The following ZNF350 variants were observed in gnomAD, a reference collection of about 807,000 sequenced individuals.
ZNF350 encodes zinc finger protein 350.
A neutral mutation model predicts 13.1 loss-of-function variants in ZNF350; 5 were observed. The ratio of observed to expected loss-of-function variants is 0.38; its 90% CI spans 0.20 to 0.80. The LOEUF (loss-of-function observed/expected upper bound fraction) is 0.80. ZNF350 is among the 30% of genes least tolerant of loss of function. The pLI, the probability that ZNF350 is intolerant of heterozygous loss-of-function variation, is 0.43. For synonymous variants in ZNF350, 199 were observed against 224.2 expected (o/e 0.89, Z 1.00); for missense variants, 534 against 644.2 (o/e 0.83, Z 1.85).
chr19:51,965,854 C>CGT lies in ZNF350; in HGVS notation c.597_598dup (p.Arg200HisfsTer4). On this transcript the variant is annotated frameshift_variant, in exon 5 of 5. Coordinates refer to ENST00000243644, the MANE Select transcript of ZNF350 (RefSeq NM_021632.4). LOFTEE classifies it low-confidence loss of function (END_TRUNC). ...GCACACATGATGCTTCTCTAATTTT[C>CGT]GTGTTTTCTGATGCTTGGGACTGAT... 1 of 1,614,116 alleles carries CGT rather than the reference C, an allele frequency of 6.2e-7. No individual in the cohort carries two copies. The highest frequency in any genetic ancestry group is 8.5e-7 in the Non-Finnish European group (1 of 1,180,034).
At position 51,965,971 on chromosome 19, in the gene ZNF350, C is replaced by T; in HGVS notation, c.482G>A (p.Gly161Glu). Residue 161 changes from glycine (G) to glutamate (E), a missense_variant, in exon 5 of 5, where the codon GGG (glycine) becomes GAG (glutamate). Transcript: ENST00000243644. ...ATGGTTAGCATGAAGAAAGGAGTCCCCATTTCCAGTAAACTCAACAGAGTT... is the reference window on the plus strand; with the variant it reads ...ATGGTTAGCATGAAGAAAGGAGTCCTCATTTCCAGTAAACTCAACAGAGTT... The part of the protein sequence containing the change: ...IKNSVEFTGN[G>E]DSFLHANHER... The T allele has an allele frequency of 6.2e-7, 1 of 1,614,040 alleles. No homozygotes were observed. The highest frequency in any genetic ancestry group is 1.3e-5 in the African/African-American group (1 of 75,008).
chr19:51,972,740 G>A (rs1445154819), intron 2 of ZNF350, among the ~76,000 whole-genome samples: 1 of 152,014 alleles, frequency 6.6e-6, no homozygotes, highest in Non-Finnish European at 1.5e-5. Flanking sequence ...CAGATACAGT[G>A]ACAGGAAGTA....
At chr19:51,975,926 C>T (rs537730093) in intron 1 of ZNF350, among the ~76,000 whole-genome samples, 13 of 152,330 alleles carry the variant, frequency 8.5e-5, no homozygotes, top group African/African-American at 2.9e-4. Flanking sequence ...CTCAGCATTC[C>T]ACTGGAGGCT....
In ZNF350 at chr19:51,978,184, C is replaced by T. The variant is rs562561536; in HGVS notation, c.-171-3653G>A. ...AGGGCATTCCCAATGCAGACCACAACCCCACTTCAGGGATGGGTTCCTGGA... is the reference window on the plus strand; with the variant it reads ...AGGGCATTCCCAATGCAGACCACAATCCCACTTCAGGGATGGGTTCCTGGA... On this transcript the variant is annotated intron_variant, in intron 1 of 4. Coordinates refer to ENST00000243644, the MANE Select transcript of ZNF350 (RefSeq NM_021632.4). Among the ~76,000 whole-genome samples, 24 of 152,298 alleles carry T rather than the reference C, an allele frequency of 1.6e-4. 1 individual carries two copies. The highest frequency in any genetic ancestry group is 1.2e-3 in the East Asian group (6 of 5,168).
rs114354583 is a variant in ZNF350 at position 51,977,686 on chromosome 19, G to A, written c.-171-3155C>T. 3.1e-3 allele frequency among the ~76,000 whole-genome samples: 466 copies of A among 152,328 alleles called. 2 individuals carry two copies. The highest frequency in any genetic ancestry group is 0.01 in the African/African-American group (433 of 41,578). ...GCAAGATTACATGAGGCACTGAAGC[G>A]TCAGATTCCTCATACTGTGGCTGCA... On this transcript the variant is annotated intron_variant, in intron 1 of 4. Coordinates refer to ENST00000243644, the MANE Select transcript of ZNF350 (RefSeq NM_021632.4).
At chr19:51,977,971 G>A (rs958401444) in intron 1 of ZNF350, among the ~76,000 whole-genome samples, 3 of 152,180 alleles carry the variant, frequency 2.0e-5, no homozygotes, top group Non-Finnish European at 2.9e-5. Context: ...AAAAAGGAAT[G>A]CCGCCAGATC....
At position 51,974,406 on chromosome 19, in the gene ZNF350, T is replaced by A. The variant is rs780782721; in HGVS notation, c.-46A>T. ...CAGCATTCAACTGGGATGGTCTGTC[T>A]TTGTATCTTCTGGCCTTCTCTTCAG... On this transcript the variant is annotated 5_prime_UTR_variant, in exon 2 of 5. It adds an upstream start codon to the 5' untranslated region. Transcript: ENST00000243644. 2 of 1,611,258 alleles carry A rather than the reference T, an allele frequency of 1.2e-6. No individual in the cohort carries two copies. The highest frequency in any genetic ancestry group is 2.2e-5 in the South Asian group (2 of 90,808).
rs112256728 is a variant in ZNF350 at position 51,975,839 on chromosome 19, T to C, written c.-171-1308A>G. On this transcript the variant is annotated intron_variant, in intron 1 of 4. Coordinates refer to ENST00000243644, the MANE Select transcript of ZNF350 (RefSeq NM_021632.4). ...TCCCGGGTTCAAGCAATTCTCTGCC[T>C]TAGCCTCCCGAGTAGCTGAGTTTAC... Among the ~76,000 whole-genome samples the C allele has an allele frequency of 3.9e-3, 595 of 152,344 alleles. 4 individuals are homozygous for C. The highest frequency in any genetic ancestry group is 0.014 in the Middle Eastern group (4 of 294).
chr19:51,969,056 C>T lies in ZNF350; in HGVS notation c.91G>A (p.Asp31Asn), dbSNP rs745855434. 1 of 1,614,112 alleles carries T rather than the reference C, an allele frequency of 6.2e-7. No homozygotes were observed. The part of the protein sequence containing the change: ...EWQLLGAAQK[D>N]LYRDVMLENY... The stretch of plus-strand genomic sequence containing the variant: ...TCCAACATCACATCCCGGTACAGGT[C>T]CTTCTGAGCAGCGCCCAGGAGTTGC... The change falls in exon 3 of 5, where the codon GAC (aspartate) becomes AAC (asparagine). Residue 31 changes from aspartate (D) to asparagine (N), a missense_variant. Physicochemically the swap from Asp to Asn is conservative, Grantham distance 23. Transcript: ENST00000243644.
intron 4 of ZNF350, among the ~76,000 whole-genome samples, chr19:51,967,892 G>A (rs1451796358): frequency 6.6e-6 from 1 of 152,138 alleles, no homozygotes; most frequent in Non-Finnish European, 1.5e-5. Context: ...AGGAACTCAG[G>A]GGAGAGTTGC....
At chr19:51,973,621 C>T (rs939008426) in intron 2 of ZNF350, 1 of 152,202 alleles carries the variant, frequency 6.6e-6, no homozygotes, top group African/African-American at 2.4e-5. Context: ...AATCCAAGTC[C>T]TGTTCAGACA....
rs1555762026 is a variant in ZNF350, at chr19:51,966,287, T to TG, written c.239-74_239-73insC. 3 of 1,470,162 alleles carry TG rather than the reference T, an allele frequency of 2.0e-6. No individual in the cohort carries two copies. The African/African-American group carries it at 4.3e-5, about 21-fold the overall frequency. The allele number at this position is 1,470,162 out of a possible 1,614,324, so 91.1% of individuals were successfully genotyped here. A position where few individuals can be genotyped will look rare whatever the true frequency, so the allele number is the denominator to read the frequency against. ...AGTTTGTTGTGGTTTTTTTGTTTTT[T>TG]TTGTTTTTTTTTTTAAGATGGAGTT... On this transcript the variant is annotated intron_variant, in intron 4 of 4. Transcript: ENST00000243644.
In ZNF350 at chr19:51,965,755, G is replaced by A; in HGVS notation, c.698C>T (p.Pro233Leu). The A allele has an allele frequency of 6.2e-7, 1 of 1,613,778 alleles. No homozygotes were observed. The highest frequency in any genetic ancestry group is 8.5e-7 in the Non-Finnish European group (1 of 1,179,838). Reference protein sequence around the residue: ...DHQVMHTGEKPHRCSLCEKAF... With the variant: ...DHQVMHTGEKLHRCSLCEKAF... Reference sequence around the variant, plus strand: ...TTTCTCACATAGACTACATCTGTGGGGTTTCTCTCCTGTATGCATTACCTG... The same window carrying A: ...TTTCTCACATAGACTACATCTGTGGAGTTTCTCTCCTGTATGCATTACCTG... Residue 233 changes from proline (P) to leucine (L), a missense_variant, in exon 5 of 5, where the codon CCC becomes CTC. Physicochemically the swap from Pro to Leu is moderately conservative, Grantham distance 98. Transcript: ENST00000243644.
chr19:51,974,117 C>T (rs909405808), intron 2 of ZNF350: 14 of 411,426 alleles, frequency 3.4e-5, no homozygotes, highest in Non-Finnish European at 5.3e-5. Context: ...CAGGATCCTC[C>T]AGCCATGCAT....
At chr19:51,970,571 A>G (rs73066991) in intron 2 of ZNF350, among the ~76,000 whole-genome samples, 4,060 of 152,290 alleles carry the variant, frequency 0.027, 68 homozygotes, top group Non-Finnish European at 0.038. Context: ...AGGGCCAACC[A>G]TATATCACAA....
At chr19:51,981,830 CA>C (rs983145331) in intron 1 of ZNF350, 32 of 152,034 alleles carry the variant, frequency 2.1e-4, no homozygotes, top group African/African-American at 7.7e-4. Flanking sequence ...AAAATAGAAC[CA>C]AAAACAAGAA....
chr19:51,964,708 C>A lies in ZNF350; in HGVS notation c.*146G>T, dbSNP rs1241616822. 7.6e-6 allele frequency: 7 copies of A among 917,514 alleles called. No individual in the cohort carries two copies. Among genetic ancestry groups the A allele is most frequent in the African/African-American group, 1.7e-5 (1 of 59,978 alleles). The allele number at this position is 917,514 out of a possible 1,614,324, so 56.8% of individuals were successfully genotyped here. On this transcript the variant is annotated 3_prime_UTR_variant, in exon 5 of 5. Coordinates refer to ENST00000243644, the MANE Select transcript of ZNF350 (RefSeq NM_021632.4). Reference sequence around the variant, plus strand: ...GTGCTTAGGTTAACATCAAATTTGCCTGTGTATCACAGCATACATTTTAAT... The same window carrying A: ...GTGCTTAGGTTAACATCAAATTTGCATGTGTATCACAGCATACATTTTAAT...
At chr19:51,969,840 T>TAAA (rs1443842481) in intron 2 of ZNF350, among the ~76,000 whole-genome samples, 2 of 152,158 alleles carry the variant, frequency 1.3e-5, no homozygotes, top group East Asian at 3.9e-4. Context: ...TAAAATAAAA[T>TAAA]AAAATGGAAT....
In ZNF350 at chr19:51,974,398, G is replaced by A. The variant is rs2085828846; in HGVS notation, c.-38C>T. On this transcript the variant is annotated 5_prime_UTR_variant, in exon 2 of 5. Transcript: ENST00000243644. The stretch of plus-strand genomic sequence containing the variant: ...TTGGAAGACAGCATTCAACTGGGAT[G>A]GTCTGTCTTTGTATCTTCTGGCCTT... 6.2e-7 allele frequency: 1 copy of A among 1,612,444 alleles called. No individual in the cohort carries two copies. The highest frequency in any genetic ancestry group is 1.7e-5 in the Admixed American group (1 of 59,822).
Sources: allele counts gnomAD v4.1 joint callset (sites outside exome capture counted in the v4.1 genomes callset), GRCh38; gene constraint gnomAD v4.1.1; transcripts MANE v1.5; gene names NCBI Gene and HGNC (gene_info 2026-07-23, HGNC 2026-07-21).